SCIMP: variants seen among roughly 807,000 people sequenced by gnomAD.
The protein encoded by SCIMP is SLP adapter and CSK-interacting membrane protein.
In SCIMP, 18 loss-of-function variants were observed where a neutral mutation model predicts 22.0. The ratio of observed to expected loss-of-function variants is 0.82; its 90% CI spans 0.56 to 1.21. SCIMP has a LOEUF of 1.21. Among genes scored for constraint, SCIMP ranks in the 50% most tolerant of loss-of-function variants. The pLI is 0.00. For synonymous variants in SCIMP, 53 were observed against 62.2 expected (o/e 0.85, Z 0.70); for missense variants, 155 against 171.2 (o/e 0.91, Z 0.53).
chr17:5,223,698 T>A (rs2074625873), intron 1 of SCIMP: 2 of 420,056 alleles, frequency 4.8e-6, no homozygotes, highest in Admixed American at 3.9e-5. Flanking sequence ...TACAGGCACC[T>A]GCCACCACGC....
chr17:5,216,631 A>G (rs8077258), intron 3 of SCIMP, among the ~76,000 whole-genome samples: 5,952 of 152,170 alleles, frequency 0.039, 404 homozygotes, highest in African/African-American at 0.14. Context: ...GCGCCACTGC[A>G]CTCCAGCCTG....
chr17:5,215,402 C>T (rs2144311239), intron 3 of SCIMP: 1 of 161,854 alleles, frequency 6.2e-6, no homozygotes, highest in East Asian at 1.8e-4. Context: ...CACCTGAGGT[C>T]AGGAGTTCAA....
chr17:5,223,929 AC>A (rs2074627729), intron 1 of SCIMP, among the ~76,000 whole-genome samples: 1 of 152,116 alleles, frequency 6.6e-6, no homozygotes, highest in South Asian at 2.1e-4. Context: ...ACTCATTAAC[AC>A]CTGGGGGACC....
chr17:5,221,201 A>G (rs1352693675), intron 3 of SCIMP, 86 bp downstream of exon 3: 1 of 963,438 alleles, frequency 1.0e-6, no homozygotes, highest in Non-Finnish European at 1.7e-6. Context: ...TGTCTCAGTC[A>G]TACTGGTACG....
intron 1 of SCIMP, among the ~76,000 whole-genome samples, chr17:5,233,369 C>G (rs1023813571): frequency 1.6e-4 from 10 of 63,684 alleles, no homozygotes; most frequent in Admixed American, 4.1e-4. Flanking sequence ...TTAAGCCTCT[C>G]AGTAGTTTGT....
In SCIMP at chr17:5,210,602, T is replaced by C. The variant is rs2074519405; in HGVS notation, c.*199A>G. The C allele has an allele frequency of 1.6e-6, 1 of 625,546 alleles. No homozygotes were observed. The highest frequency in any genetic ancestry group is 2.6e-6 in the Non-Finnish European group (1 of 388,312). 38.7% of individuals were successfully genotyped at this position (625,546 alleles called of 1,614,324 possible). ...AAGTCCTCAGAGCCGAGCACCCATG[T>C]GTCTCCTCTGGCTGCAGTCATCCGA... On this transcript the variant is annotated 3_prime_UTR_variant, in exon 5 of 5. Transcript: ENST00000574081.
In SCIMP at chr17:5,210,959, G is replaced by A; in HGVS notation, c.284-4C>T. The A allele has an allele frequency of 6.3e-7, 1 of 1,598,218 alleles. No homozygotes were observed. Among genetic ancestry groups the A allele is most frequent in the African/African-American group, 1.4e-5 (1 of 73,832 alleles). On this transcript the variant is annotated splice_polypyrimidine_tract_variant and splice_region_variant and intron_variant, in intron 4 of 4. Coordinates refer to ENST00000574081, the MANE Select transcript of SCIMP (RefSeq NM_207103.3). ...TGACTTGGGGCTTCCTGTGGGGCTA[G>A]AATACACAAAAAGCTCCTTAGATGC...
intron 1 of SCIMP, among the ~76,000 whole-genome samples, chr17:5,225,874 G>T (rs1319940833): frequency 2.0e-5 from 3 of 152,098 alleles, no homozygotes; most frequent in Non-Finnish European, 4.4e-5. Context: ...CTGGGGAGTT[G>T]GGGGCAGCAG....
chr17:5,223,536 G>T, intron 1 of SCIMP, 80 bp from the exon 2 acceptor site: 1 of 1,415,170 alleles, frequency 7.1e-7, no homozygotes, highest in African/African-American at 1.4e-5. Context: ...GTTATCTACT[G>T]TGGGTTGTTT....
In SCIMP at chr17:5,215,001, A is replaced by G. The variant is rs373097346; in HGVS notation, c.210-3T>C. Reference sequence around the variant, plus strand: ...CTGGCGACTCATTAAGAACATTCCTAGAGAGAGAGAAAGAGAGAGAATCAG... The same window carrying G: ...CTGGCGACTCATTAAGAACATTCCTGGAGAGAGAGAAAGAGAGAGAATCAG... On this transcript the variant is annotated splice_polypyrimidine_tract_variant and splice_region_variant and intron_variant, in intron 3 of 4. Coordinates refer to ENST00000574081, the MANE Select transcript of SCIMP (RefSeq NM_207103.3). The G allele has an allele frequency of 1.3e-6, 2 of 1,593,710 alleles. No individual in the cohort carries two copies. The highest frequency in any genetic ancestry group is 1.3e-5 in the African/African-American group (1 of 74,464).
At chr17:5,234,351 C>G (rs2074727598) in intron 1 of SCIMP, among the ~76,000 whole-genome samples, 1 of 151,342 alleles carries the variant, frequency 6.6e-6, no homozygotes, top group Non-Finnish European at 1.5e-5. Flanking sequence ...CCATGACAGT[C>G]TTCTCACATA....
At chr17:5,227,900 C>T (rs1197452220) in intron 1 of SCIMP, among the ~76,000 whole-genome samples, 3 of 152,096 alleles carry the variant, frequency 2.0e-5, no homozygotes, top group African/African-American at 4.8e-5. Context: ...ATATGTTGGG[C>T]GCGGTGGCTC....
chr17:5,234,508 A>T, intron 1 of SCIMP: 1 of 585,414 alleles, frequency 1.7e-6, no homozygotes, highest in Non-Finnish European at 3.1e-6. Flanking sequence ...AAAGGCCCAG[A>T]GAGGTGAAGT....
intron 4 of SCIMP, among the ~76,000 whole-genome samples, chr17:5,211,290 G>A (rs1049301215): frequency 6.6e-6 from 1 of 152,176 alleles, no homozygotes; most frequent in Non-Finnish European, 1.5e-5. Context: ...GGGAGGCCCA[G>A]GTGGGAGGAT....
Position 5,221,211 on chromosome 17 carries a change from G to A in SCIMP, c.209+76C>T, listed in dbSNP as rs930440030. On this transcript the variant is annotated intron_variant, in intron 3 of 4. Coordinates refer to ENST00000574081, the MANE Select transcript of SCIMP (RefSeq NM_207103.3). ...GCGGATGTCTCAGTCATACTGGTAC[G>A]GTAGTGGAGGGGCAAGGGTGGAAGG... The A allele has an allele frequency of 4.2e-5, 43 of 1,029,610 alleles. No homozygotes were observed. In the African/African-American group the frequency reaches 5.2e-4, roughly 12 times the overall value. 63.8% of individuals were successfully genotyped at this position (1,029,610 alleles called of 1,614,324 possible).
chr17:5,227,318 C>CACACACACACAG (rs1298309847), intron 1 of SCIMP, among the ~76,000 whole-genome samples: 2 of 151,782 alleles, frequency 1.3e-5, no homozygotes, highest in African/African-American at 4.8e-5. Context: ...CACACACACA[C>CACACACACACAG]ACACACTCTT....
At chr17:5,230,543 G>A (rs2074685718) in intron 1 of SCIMP, among the ~76,000 whole-genome samples, 1 of 152,096 alleles carries the variant, frequency 6.6e-6, no homozygotes. Flanking sequence ...TGCAAAGGTG[G>A]GAGTGAACCC....
At position 5,210,562 on chromosome 17, in the gene SCIMP, A is replaced by G; in HGVS notation, c.*239T>C. On this transcript the variant is annotated 3_prime_UTR_variant, in exon 5 of 5. Transcript: ENST00000574081. ...CCATGGAAAGTTTCCTCAACAGCAC[A>G]AGGCTGACCCCTCTAAGTCCTCAGA... The G allele has an allele frequency of 2.2e-6, 1 of 459,312 alleles. No homozygotes were observed. The highest frequency in any genetic ancestry group is 3.7e-6 in the Non-Finnish European group (1 of 266,730). The allele number at this position is 459,312 out of a possible 1,614,324, so 28.5% of individuals were successfully genotyped here. A position where few individuals can be genotyped will look rare whatever the true frequency, so the allele number is the denominator to read the frequency against.
At chr17:5,223,938 A>C (rs2074627784) in intron 1 of SCIMP, among the ~76,000 whole-genome samples, 1 of 152,100 alleles carries the variant, frequency 6.6e-6, no homozygotes, top group African/African-American at 2.4e-5. Flanking sequence ...CACCTGGGGG[A>C]CCTCAGGCAT....
Sources: allele counts gnomAD v4.1 joint callset (sites outside exome capture counted in the v4.1 genomes callset), GRCh38; gene constraint gnomAD v4.1.1; transcripts MANE v1.5; gene names NCBI Gene and HGNC (gene_info 2026-07-23, HGNC 2026-07-21).